The following SF3A2 variants were observed in gnomAD, a reference collection of about 807,000 sequenced individuals.
SF3A2 encodes the protein SAP 62.
SF3A2 carries 5 observed loss-of-function variants against 31.1 expected under a neutral mutation model. That is an observed-to-expected ratio of 0.16 (90% CI 0.08 to 0.34). The LOEUF (loss-of-function observed/expected upper bound fraction) is 0.34, where lower values mean the gene tolerates loss of function less well. Among genes scored for constraint, SF3A2 ranks in the 10% least tolerant of loss-of-function variants. SF3A2 has a pLI of 1.00. For missense variants in SF3A2, 577 were observed against 643.9 expected, an observed-to-expected ratio of 0.90 and a Z score of 1.13; for synonymous variants, 365 against 263.7, an observed-to-expected ratio of 1.38 and a Z score of -3.72.
chr19:2,248,454 G>T lies in SF3A2; in HGVS notation c.1303G>T (p.Val435Leu). The change falls in exon 9 of 9, where the codon GTG becomes TTG. Residue 435 changes from valine to leucine, a missense_variant. By Grantham distance (32) the Val-to-Leu change is conservative. Coordinates refer to ENST00000221494, the MANE Select transcript of SF3A2 (RefSeq NM_007165.5). ...GGGAGTTCACCCCTCAAATCCTGGGGTGCACCCCCCAACTCCCATGCCCCC... is the reference window on the plus strand; with the variant it reads ...GGGAGTTCACCCCTCAAATCCTGGGTTGCACCCCCCAACTCCCATGCCCCC... ...PPGVHPSNPG[V>L]HPPTPMPPML... 4 of 1,341,064 alleles carry T rather than the reference G, an allele frequency of 3.0e-6. No individual in the cohort carries two copies. Among genetic ancestry groups the T allele is most frequent in the Non-Finnish European group, 3.9e-6 (4 of 1,037,316 alleles). The allele number at this position is 1,341,064 out of a possible 1,614,324, so 83.1% of individuals were successfully genotyped here.
At position 2,239,093 on chromosome 19, in the gene SF3A2, G is replaced by A. The variant is rs183613804; in HGVS notation, c.-38+2192G>A. On this transcript the variant is annotated intron_variant, in intron 1 of 8. Coordinates refer to ENST00000221494, the MANE Select transcript of SF3A2 (RefSeq NM_007165.5). ...AAATCTGTATTTGTAGGCCGGGCGT[G>A]GTGGCTCACGCCTGTAATCCCAGCA... Among the ~76,000 whole-genome samples the A allele has an allele frequency of 1.8e-3, 274 of 152,316 alleles. 3 individuals are homozygous for A. The highest frequency in any genetic ancestry group is 5.9e-3 in the African/African-American group (245 of 41,568).
At chr19:2,239,951 G>A (rs948826526) in intron 1 of SF3A2, among the ~76,000 whole-genome samples, 18 of 152,246 alleles carry the variant, frequency 1.2e-4, no homozygotes, top group South Asian at 1.0e-3. Flanking sequence ...GGGTGTCAGC[G>A]ATCTCTTACT....
rs1599134756 is a variant in SF3A2 at position 2,248,242 on chromosome 19, T to G, written c.1091T>G (p.Val364Gly). 1 of 1,235,408 alleles carries G rather than the reference T, an allele frequency of 8.1e-7. No homozygotes were observed. 76.5% of individuals were successfully genotyped at this position (1,235,408 alleles called of 1,614,324 possible). Residue 364 changes from valine (V) to glycine (G), a missense_variant, in exon 9 of 9, where the codon GTC (valine) becomes GGC (glycine). Val to Gly is a moderately radical substitution (Grantham distance 109). This residue lies in a region of SF3A2 where 462 missense variants were observed against 339.1 expected (regional missense o/e 1.36). Coordinates refer to ENST00000221494, the MANE Select transcript of SF3A2 (RefSeq NM_007165.5). ...GGGGTTCACCCACCAGCCCCAGGGG[T>G]CCATCCTCCCCCATCAGCGGGGGTT... ...APGVHPPAPGVHPPPSAGVHP... is the reference protein window; with the variant it reads ...APGVHPPAPGGHPPPSAGVHP...
rs1260988842 is a variant in SF3A2 at position 2,247,975 on chromosome 19, C to T, written c.824C>T (p.Pro275Leu). 20 of 1,059,130 alleles carry T rather than the reference C, an allele frequency of 1.9e-5. No individual in the cohort carries two copies. The highest frequency in any genetic ancestry group is 7.9e-5 in the South Asian group (6 of 76,372). 65.6% of individuals were successfully genotyped at this position (1,059,130 alleles called of 1,614,324 possible). A position where few individuals can be genotyped will look rare whatever the true frequency, so the allele number is the denominator to read the frequency against. The stretch of plus-strand genomic sequence containing the variant: ...ACAGGGCCTGCGCCCTCAGGGCCCC[C>T]GGGACCACCCCAGCTACCCCCGCCA... ...PPTGPAPSGP[P>L]GPPQLPPPAP... is the part of the protein sequence containing the mutation. The change falls in exon 9 of 9, where the codon CCG becomes CTG. Residue 275 changes from proline to leucine, a missense_variant. By Grantham distance (98) the Pro-to-Leu change is moderately conservative (BLOSUM62 -3). This residue lies in a region of SF3A2 where 462 missense variants were observed against 339.1 expected (regional missense o/e 1.36). Transcript: ENST00000221494.
chr19:2,243,233 G>T (rs2024905666), intron 1 of SF3A2, 149 bp from the exon 2 acceptor site: 1 of 541,288 alleles, frequency 1.8e-6, no homozygotes, highest in Admixed American at 4.3e-5. Context: ...GCGCTATGGG[G>T]TGGCCCCCTC....
chr19:2,247,457 A>G, intron 7 of SF3A2, 137 bp from the exon 8 acceptor site: 6 of 793,618 alleles, frequency 7.6e-6, no homozygotes, highest in Non-Finnish European at 1.2e-5. Flanking sequence ...CCTGTGCCCC[A>G]CGAAAGTCTT....
chr19:2,244,238 G>GGAGTGACCGGCGC, intron 2 of SF3A2, among the ~76,000 whole-genome samples: 1 of 150,194 alleles, frequency 6.7e-6, no homozygotes, highest in African/African-American at 2.5e-5. Context: ...GTGACCGGCG[G>GGAGTGACCGGCGC]TGCTGTCCTG....
intron 1 of SF3A2, among the ~76,000 whole-genome samples, chr19:2,241,408 G>T (rs1043914965): frequency 2.6e-5 from 4 of 152,196 alleles, no homozygotes; most frequent in African/African-American, 9.7e-5. Context: ...GAGGCTGCTT[G>T]CTGGGCTCCC....
At position 2,246,950 on chromosome 19, in the gene SF3A2, G is replaced by A; in HGVS notation, c.474G>A (p.Arg158=). 1 of 1,608,996 alleles carries A rather than the reference G, an allele frequency of 6.2e-7. No individual in the cohort carries two copies. Residue 158 remains arginine (R), a synonymous_variant, in exon 7 of 9, where the codon AGG becomes AGA. Transcript: ENST00000221494. The surrounding 1 kb of genome is among the most constrained non-coding windows in gnomAD (Gnocchi z 5.5). ...RHRFMSAYEQ[R]IEPPDRRWQY... is the part of the protein sequence containing the mutation. ...GCTTCATGTCTGCGTACGAGCAGAG[G>A]ATCGAGCCTCCGGACCGGCGCTGGC...
Position 2,246,666 on chromosome 19 carries a change from C to A in SF3A2, c.356-87C>A. On this transcript the variant is annotated intron_variant, in intron 5 of 8. Coordinates refer to ENST00000221494, the MANE Select transcript of SF3A2 (RefSeq NM_007165.5). The surrounding 1 kb of genome is among the most constrained non-coding windows in gnomAD (Gnocchi z 5.5). ...AGGGCCTCCCCCGGGGTCCCGCTCT[C>A]GTTCAGTGGGTGGCATTAGCCTGCC... 2 of 1,515,512 alleles carry A rather than the reference C, an allele frequency of 1.3e-6. No individual in the cohort carries two copies. The highest frequency in any genetic ancestry group is 2.3e-5 in the South Asian group (2 of 87,416). 93.9% of individuals were successfully genotyped at this position (1,515,512 alleles called of 1,614,324 possible). A position where few individuals can be genotyped will look rare whatever the true frequency, so the allele number is the denominator to read the frequency against.
In SF3A2 at chr19:2,244,609, CAAT is replaced by C; in HGVS notation, c.193_195del (p.Asn65del). On this transcript the variant is annotated inframe_deletion, in exon 3 of 9. Transcript: ENST00000221494. ...GCAAACTCTGCCTGACACTTCACAA[CAAT>C]GAGGTGCGGCCTCTGCCTGGCTCCG... The C allele has an allele frequency of 6.2e-7, 1 of 1,614,062 alleles. No individual in the cohort carries two copies. Among genetic ancestry groups the C allele is most frequent in the Non-Finnish European group, 8.5e-7 (1 of 1,179,912 alleles).
intron 1 of SF3A2, among the ~76,000 whole-genome samples, chr19:2,239,118 A>C (rs990107216): frequency 6.6e-6 from 1 of 152,208 alleles, no homozygotes; most frequent in African/African-American, 2.4e-5. Flanking sequence ...TAATCCCAGC[A>C]CTTTGGGAGG....
At position 2,247,853 on chromosome 19, in the gene SF3A2, AC is replaced by A; in HGVS notation, c.707del (p.Pro236ArgfsTer2). On this transcript the variant is annotated frameshift_variant, in exon 9 of 9. Transcript: ENST00000221494. LOFTEE classifies it low-confidence loss of function (END_TRUNC). ...GCCCCCCTGGGGTGAAGCGGCCTCC[AC>A]CCCCGCTGATGAACGGTCTGCCCCC... Reference protein sequence around the residue: ...AGPPGVKRPPPPLMNGLPPRP... With the variant: ...AGPPGVKRPPXPLMNGLPPRP... 3 of 1,482,208 alleles carry A rather than the reference AC, an allele frequency of 2.0e-6. No individual in the cohort carries two copies. The highest frequency in any genetic ancestry group is 1.2e-5 in the South Asian group (1 of 86,898). 91.8% of individuals were successfully genotyped at this position (1,482,208 alleles called of 1,614,324 possible).
In SF3A2 at chr19:2,247,599, G is replaced by A. The variant is rs761408260; in HGVS notation, c.552G>A (p.Pro184=). 18 of 1,613,170 alleles carry A rather than the reference G, an allele frequency of 1.1e-5. No individual in the cohort carries two copies. Among genetic ancestry groups the A allele is most frequent in the Middle Eastern group, 3.3e-4 (2 of 6,080 alleles). The change falls in exon 8 of 9, where the codon CCG becomes CCA. Residue 184 remains proline (P), a synonymous_variant. Transcript: ENST00000221494. ...TCTGTCCCCCGCCCTCCCAGGTGCC[G>A]AGCAGAGAGATCGACAAGGCGGAGG... ...EPYETIAFKV[P]SREIDKAEGK...
Position 2,243,439 on chromosome 19 carries a change from C to T in SF3A2, c.21C>T (p.Pro7=), listed in dbSNP as rs771523786. The T allele has an allele frequency of 2.1e-5, 33 of 1,552,946 alleles. No homozygotes were observed. The highest frequency in any genetic ancestry group is 2.6e-5 in the Non-Finnish European group (30 of 1,155,692). MDFQHR[P]GGKTGSGGVA... is the part of the protein sequence containing the mutation. ...TCACCATGGACTTCCAGCATCGCCC[C>T]GGGGGCAAGACCGGGAGCGGGGGCG... Residue 7 remains proline, a synonymous_variant, in exon 2 of 9, where the codon CCC becomes CCT. Transcript: ENST00000221494.
chr19:2,237,409 C>CCA (rs764986684), intron 1 of SF3A2: 4 of 107,224 alleles, frequency 3.7e-5, no homozygotes, highest in African/African-American at 1.5e-4. Context: ...CCCATCACTG[C>CCA]AAAAAAAAAA....
intron 1 of SF3A2, among the ~76,000 whole-genome samples, chr19:2,240,496 C>T (rs76440256): frequency 0.039 from 5,979 of 152,124 alleles, 173 homozygotes; most frequent in East Asian, 0.13. Context: ...GGCTTGGGTT[C>T]GGATGGTTTC....
In SF3A2 at chr19:2,247,781, C is replaced by T; in HGVS notation, c.630C>T (p.Phe210=). 1 of 1,611,690 alleles carries T rather than the reference C, an allele frequency of 6.2e-7. No homozygotes were observed. The highest frequency in any genetic ancestry group is 2.2e-5 in the East Asian group (1 of 44,868). ...NRETKQFFLQ[F]HFKMEKPPAP... ...CGTCTCTCTAGTTCTTCCTCCAGTT[C>T]CACTTTAAGATGGAGAAGCCCCCGG... Residue 210 remains phenylalanine (F), a synonymous_variant, in exon 9 of 9, where the codon TTC becomes TTT. Coordinates refer to ENST00000221494, the MANE Select transcript of SF3A2 (RefSeq NM_007165.5).
rs1339638359 is a variant in SF3A2 at position 2,245,078 on chromosome 19, A to G, written c.245+299A>G. 6 of 513,024 alleles carry G rather than the reference A, an allele frequency of 1.2e-5. 1 individual carries two copies. Among genetic ancestry groups the G allele is most frequent in the South Asian group, 9.8e-5 (4 of 40,694 alleles). The allele number at this position is 513,024 out of a possible 1,614,324, so 31.8% of individuals were successfully genotyped here. A position where few individuals can be genotyped will look rare whatever the true frequency, so the allele number is the denominator to read the frequency against. On this transcript the variant is annotated intron_variant, in intron 4 of 8. Coordinates refer to ENST00000221494, the MANE Select transcript of SF3A2 (RefSeq NM_007165.5). This position sits in a 1 kb window ranked among gnomAD's most constrained non-coding sequence, Gnocchi z 4.2. Reference sequence around the variant, plus strand: ...GCACACGTCTGTAATCACAGCTACTATGGAGGCTGAGGCAGGAGAATCTTG... The same window carrying G: ...GCACACGTCTGTAATCACAGCTACTGTGGAGGCTGAGGCAGGAGAATCTTG...
Sources: gnomAD v4.1 joint callset for allele counts (sites outside exome capture counted in the v4.1 genomes callset) on GRCh38, gnomAD v4.1.1 for gene constraint, gnomAD v4.1.1 regional missense constraint, Gnocchi (gnomAD v3.1) non-coding constraint, MANE v1.5 for transcripts, NCBI Gene and HGNC (gene_info 2026-07-23, HGNC 2026-07-21) for gene names.